CLPB: variants seen among roughly 807,000 people sequenced by gnomAD.
The protein encoded by CLPB is mitochondrial disaggregase.
Under a neutral mutation model 78.4 loss-of-function variants are expected in CLPB, and 40 were observed. The observed-to-expected ratio is 0.51, with a 90% CI of 0.40 to 0.66. The LOEUF (loss-of-function observed/expected upper bound fraction) is 0.66, where lower values mean the gene tolerates loss of function less well. CLPB is among the 30% of genes least tolerant of loss of function. The pLI, the probability that CLPB is intolerant of heterozygous loss-of-function variation, is 0.00. For synonymous variants in CLPB, 333 were observed against 348.0 expected (o/e 0.96, Z 0.48); for missense variants, 780 against 886.9 (o/e 0.88, Z 1.53).
At chr11:72,426,519 G>T (rs1465238182) in intron 2 of CLPB, among the ~76,000 whole-genome samples, 1 of 152,126 alleles carries the variant, frequency 6.6e-6, no homozygotes, top group Non-Finnish European at 1.5e-5. Context: ...CAGGGGAGAA[G>T]GGAGGAAATG....
Position 72,380,369 on chromosome 11 carries a change from C to T in CLPB, c.558G>A (p.Leu186=), listed in dbSNP as rs937481664. The change falls in exon 4 of 16, where the codon CTG becomes CTA. Residue 186 remains leucine, a synonymous_variant. Transcript: ENST00000538039. ...INRNNSVVQV[L]LAAGADPNLG... ...GGTTTGGATCAGCCCCAGCAGCAAGCAGGACCTGTACCACACTAGAAGAAA... is the reference window on the plus strand; with the variant it reads ...GGTTTGGATCAGCCCCAGCAGCAAGTAGGACCTGTACCACACTAGAAGAAA... 1 of 1,614,030 alleles carries T rather than the reference C, an allele frequency of 6.2e-7. No homozygotes were observed. The highest frequency in any genetic ancestry group is 8.5e-7 in the Non-Finnish European group (1 of 1,179,924).
At chr11:72,300,585 G>C (rs191672919) in intron 11 of CLPB, among the ~76,000 whole-genome samples, 1 of 152,312 alleles carries the variant, frequency 6.6e-6, no homozygotes, top group East Asian at 1.9e-4. Flanking sequence ...AGGAGGCTGG[G>C]CCAGGTGGGG....
rs376468881 is a variant in CLPB at position 72,287,505 on chromosome 11, G to A, written c.*5862C>T. ...TTTTGGTATTTTTAGTAGAGGTGGGGTCTTGCCATGTTGCCCAGGCTGGTC... is the reference window on the plus strand; with the variant it reads ...TTTTGGTATTTTTAGTAGAGGTGGGATCTTGCCATGTTGCCCAGGCTGGTC... On this transcript the variant is annotated 3_prime_UTR_variant, in exon 16 of 16. Transcript: ENST00000538039. The A allele has an allele frequency of 1.2e-4, 18 of 152,406 alleles. No homozygotes were observed. In the East Asian group the frequency reaches 2.5e-3, roughly 21 times the overall value. The allele number at this position is 152,406 out of a possible 1,614,324, so 9.4% of individuals were successfully genotyped here.
rs531973576 is a variant in CLPB at position 72,312,359 on chromosome 11, T to G, written c.989-3755A>C. ...TCCTAATAATCCTGATAAGTAGGTG[T>G]TATCTCCATTTTACACAGGATACCG... On this transcript the variant is annotated intron_variant, in intron 7 of 15. Coordinates refer to ENST00000538039, the MANE Select transcript of CLPB (RefSeq NM_001258392.3). This position sits in a 1 kb window ranked among gnomAD's most constrained non-coding sequence, Gnocchi z 4.2. Among the ~76,000 whole-genome samples, 1 of 152,250 alleles carries G rather than the reference T, an allele frequency of 6.6e-6. No individual in the cohort carries two copies. Among genetic ancestry groups the G allele is most frequent in the African/African-American group, 2.4e-5 (1 of 41,540 alleles).
chr11:72,290,417 T>TAATA lies in CLPB; in HGVS notation c.*2946_*2949dup, dbSNP rs1314822728. The TAATA allele has an allele frequency of 1.4e-4, 22 of 152,280 alleles. No homozygotes were observed. The highest frequency in any genetic ancestry group is 5.3e-4 in the African/African-American group (22 of 41,554). The allele number at this position is 152,280 out of a possible 1,614,324, so 9.4% of individuals were successfully genotyped here. On this transcript the variant is annotated 3_prime_UTR_variant, in exon 16 of 16. Coordinates refer to ENST00000538039, the MANE Select transcript of CLPB (RefSeq NM_001258392.3). ...CTCTTCCTTATAGTAGAATACCAAT[T>TAATA]AATAAATACAGGTAAAATAATGAAA...
At chr11:72,343,626 G>C (rs1950460236) in intron 5 of CLPB, among the ~76,000 whole-genome samples, 1 of 152,140 alleles carries the variant, frequency 6.6e-6, no homozygotes, top group Non-Finnish European at 1.5e-5. Flanking sequence ...GAAGGGGAGA[G>C]GACAGGGATA....
intron 5 of CLPB, among the ~76,000 whole-genome samples, chr11:72,331,180 G>C (rs1020494948): frequency 1.3e-5 from 2 of 151,904 alleles, no homozygotes; most frequent in African/African-American, 4.8e-5. Context: ...CAAGGCAGGT[G>C]ATCACGAGGT....
chr11:72,323,437 G>A (rs547506123), intron 6 of CLPB, among the ~76,000 whole-genome samples: 14 of 152,052 alleles, frequency 9.2e-5, no homozygotes, highest in Admixed American at 2.0e-4. Context: ...CGTGGTGGTG[G>A]GTACCTGTAG....
intron 5 of CLPB, among the ~76,000 whole-genome samples, chr11:72,338,697 T>C (rs925699368): frequency 6.6e-6 from 1 of 152,240 alleles, no homozygotes; most frequent in African/African-American, 2.4e-5. Flanking sequence ...GATCACAGAC[T>C]TTCACACATA....
intron 12 of CLPB, among the ~76,000 whole-genome samples, chr11:72,295,209 C>A (rs1029243776): frequency 1.6e-4 from 24 of 152,218 alleles, no homozygotes; most frequent in Admixed American, 2.6e-4. Flanking sequence ...CCCTAAGACA[C>A]TGAGCAGCTT....
Position 72,332,320 on chromosome 11 carries a change from T to TAAA in CLPB, c.776-2519_776-2517dup, listed in dbSNP as rs551043381. 5.4e-5 allele frequency among the ~76,000 whole-genome samples: 6 copies of TAAA among 112,138 alleles called. No homozygotes were observed. The East Asian group carries it at 1.5e-3, about 28-fold the overall frequency. The allele number at this position is 112,138 out of a possible 152,430, so 73.6% of individuals were successfully genotyped here. A position where few individuals can be genotyped will look rare whatever the true frequency, so the allele number is the denominator to read the frequency against. On this transcript the variant is annotated intron_variant, in intron 5 of 15. Coordinates refer to ENST00000538039, the MANE Select transcript of CLPB (RefSeq NM_001258392.3). The stretch of plus-strand genomic sequence containing the variant: ...CAACATGGTGAAACCCCATCTCTAC[T>TAAA]AAAAAAAAAAAAAAAAAAATTAGCC...
chr11:72,305,466 TCGTCA>T (rs1425652967), intron 9 of CLPB, among the ~76,000 whole-genome samples: 1 of 152,212 alleles, frequency 6.6e-6, no homozygotes, highest in Non-Finnish European at 1.5e-5. Context: ...GCACACAGCA[TCGTCA>T]CTTGATGCTC....
In CLPB at chr11:72,288,780, A is replaced by G. The variant is rs142239579; in HGVS notation, c.*4587T>C. The G allele has an allele frequency of 6.6e-6, 1 of 152,312 alleles. No individual in the cohort carries two copies. Among genetic ancestry groups the G allele is most frequent in the East Asian group, 1.9e-4 (1 of 5,202 alleles). The allele number at this position is 152,312 out of a possible 1,614,324, so 9.4% of individuals were successfully genotyped here. A position where few individuals can be genotyped will look rare whatever the true frequency, so the allele number is the denominator to read the frequency against. ...GAACTTACATTCTAGTGATGAAGAC[A>G]CAGAACAAGTAGGACAAGTGAGCTG... is the stretch of plus-strand genomic sequence containing the variant. On this transcript the variant is annotated 3_prime_UTR_variant, in exon 16 of 16. Coordinates refer to ENST00000538039, the MANE Select transcript of CLPB (RefSeq NM_001258392.3).
chr11:72,359,945 T>TG (rs1046551498), intron 4 of CLPB, among the ~76,000 whole-genome samples: 2 of 152,218 alleles, frequency 1.3e-5, no homozygotes, highest in African/African-American at 4.8e-5. Context: ...CTCTCTGGGT[T>TG]GGGTGACTCC....
chr11:72,430,208 G>T, intron 2 of CLPB, 104 bp downstream of exon 2: 1 of 1,094,466 alleles, frequency 9.1e-7, no homozygotes, highest in Non-Finnish European at 1.4e-6. Flanking sequence ...ACAGTTCCCA[G>T]CTTAGGGTAA....
chr11:72,385,178 T>A (rs1855038993), intron 3 of CLPB, among the ~76,000 whole-genome samples: 1 of 152,226 alleles, frequency 6.6e-6, no homozygotes, highest in Non-Finnish European at 1.5e-5. Context: ...CTACTGTTTA[T>A]AGATTGGCAA....
chr11:72,414,463 G>A (rs1238612560), intron 2 of CLPB, among the ~76,000 whole-genome samples: 1 of 152,232 alleles, frequency 6.6e-6, no homozygotes, highest in African/African-American at 2.4e-5. Context: ...GTTGGTACTT[G>A]AGCCACCTTC....
Position 72,331,057 on chromosome 11 carries a change from A to T in CLPB, c.776-1253T>A, listed in dbSNP as rs184773915. Among the ~76,000 whole-genome samples the T allele has an allele frequency of 6.1e-3, 928 of 152,152 alleles. 10 individuals carry two copies. The highest frequency in any genetic ancestry group is 0.021 in the African/African-American group (876 of 41,536). On this transcript the variant is annotated intron_variant, in intron 5 of 15. Transcript: ENST00000538039. ...CCTATTGCAAGTCTCTACTTTAAAA[A>T]TTTTTTTATTAAAATTTTAATTAAA...
chr11:72,398,812 A>AGCCCT (rs1855482163), intron 3 of CLPB, among the ~76,000 whole-genome samples: 2 of 152,288 alleles, frequency 1.3e-5, no homozygotes, highest in East Asian at 3.9e-4. Flanking sequence ...TACTATACCC[A>AGCCCT]AGCTGTTACT....
Sources: gnomAD v4.1 joint callset for allele counts (sites outside exome capture counted in the v4.1 genomes callset) on GRCh38, gnomAD v4.1.1 for gene constraint, Gnocchi (gnomAD v3.1) non-coding constraint, MANE v1.5 for transcripts, NCBI Gene and HGNC (gene_info 2026-07-23, HGNC 2026-07-21) for gene names.